VCF1: variants seen among roughly 807,000 people sequenced by gnomAD.
The protein encoded by VCF1 is protein VCF1.
chr17:73,215,563 T>C, the VCF1 span, among the ~76,000 whole-genome samples: 2 of 152,324 alleles, frequency 1.3e-5, no homozygotes, highest in African/African-American at 2.4e-5. Context: ...TGTAAGCCAC[T>C]GCACCTGGCC....
chr17:73,220,065 A>G, the VCF1 span, among the ~76,000 whole-genome samples: 1 of 152,218 alleles, frequency 6.6e-6, no homozygotes, highest in Non-Finnish European at 1.5e-5. Context: ...GTTTCACTGA[A>G]AAGAGTCGGC....
chr17:73,225,257 A>G, the VCF1 span, among the ~76,000 whole-genome samples: 2 of 152,226 alleles, frequency 1.3e-5, no homozygotes, highest in Non-Finnish European at 2.9e-5. Flanking sequence ...GCTCAGCTAG[A>G]GAACCCAGGA....
the VCF1 span, among the ~76,000 whole-genome samples, chr17:73,213,727 T>C: frequency 6.6e-6 from 1 of 152,266 alleles, no homozygotes; most frequent in African/African-American, 2.4e-5. Flanking sequence ...CCCAGCACTT[T>C]GGGAGGCTGA....
chr17:73,208,246 C>T, the VCF1 span: 2 of 1,609,404 alleles, frequency 1.2e-6, no homozygotes, highest in Non-Finnish European at 1.7e-6. Context: ...AGTGGCGTCG[C>T]GCGGAGGGCG....
At chr17:73,228,845 G>C in the VCF1 span, among the ~76,000 whole-genome samples, 2 of 152,140 alleles carry the variant, frequency 1.3e-5, no homozygotes, top group Admixed American at 6.5e-5. Context: ...GAGGCCAGTC[G>C]ACACCCAAAG....
the VCF1 span, among the ~76,000 whole-genome samples, chr17:73,223,815 AC>A: frequency 1.3e-5 from 2 of 151,994 alleles, no homozygotes; most frequent in East Asian, 1.9e-4. Flanking sequence ...CCCTGTCTCT[AC>A]AAAAAATTAA....
the VCF1 span, chr17:73,227,223 G>A: frequency 1.7e-4 from 264 of 1,583,794 alleles, no homozygotes; most frequent in Non-Finnish European, 2.1e-4. Context: ...GGTCTGGGGG[G>A]GAAGATGGTT....
chr17:73,211,551 G>A, the VCF1 span, among the ~76,000 whole-genome samples: 4 of 135,856 alleles, frequency 2.9e-5, no homozygotes, highest in Admixed American at 7.7e-5. Context: ...TGGGCAACAA[G>A]AGCAAGACTT....
the VCF1 span, among the ~76,000 whole-genome samples, chr17:73,226,842 G>T: frequency 2.6e-5 from 4 of 152,158 alleles, no homozygotes; most frequent in Non-Finnish European, 5.9e-5. Flanking sequence ...ACAATTCATG[G>T]TTTATAAACT....
chr17:73,214,925 A>G, the VCF1 span, among the ~76,000 whole-genome samples: 102 of 152,250 alleles, frequency 6.7e-4, no homozygotes, highest in Non-Finnish European at 1.3e-3. Flanking sequence ...AACCAAATCA[A>G]CGGTTACAAA....
chr17:73,228,188 C>T, the VCF1 span, among the ~76,000 whole-genome samples: 9 of 152,214 alleles, frequency 5.9e-5, no homozygotes, highest in African/African-American at 1.4e-4. Context: ...CACTGCAGAA[C>T]GTTCTCCGGA....
At chr17:73,224,021 G>C in the VCF1 span, among the ~76,000 whole-genome samples, 70 of 144,836 alleles carry the variant, frequency 4.8e-4, no homozygotes, top group African/African-American at 1.6e-3. Context: ...AGGGAGGGAA[G>C]AAGGGAGGGA....
At chr17:73,208,474 C>T in the VCF1 span, 3 of 1,612,252 alleles carry the variant, frequency 1.9e-6, no homozygotes, top group Non-Finnish European at 1.7e-6. Flanking sequence ...TCTGTCTCTC[C>T]CTAAATAAAT....
chr17:73,212,588 A>T, the VCF1 span: 1 of 1,048,512 alleles, frequency 9.5e-7, no homozygotes, highest in Non-Finnish European at 1.4e-6. Flanking sequence ...GGCGTCTCCT[A>T]ACCTAGTATA....
the VCF1 span, among the ~76,000 whole-genome samples, chr17:73,224,800 ACC>A: frequency 1.3e-5 from 2 of 151,992 alleles, no homozygotes; most frequent in African/African-American, 4.8e-5. Context: ...ACTTGTTAAT[ACC>A]ACTGCCAGGA....
the VCF1 span, among the ~76,000 whole-genome samples, chr17:73,219,217 C>T: frequency 3.6e-3 from 507 of 139,030 alleles, 1 homozygote; most frequent in South Asian, 0.018. Flanking sequence ...AAAAAAACGA[C>T]GAAACTGCTT....
At chr17:73,229,199 TCTC>T in the VCF1 span, 3 of 985,480 alleles carry the variant, frequency 3.0e-6, no homozygotes, top group Middle Eastern at 5.2e-4. Context: ...TTGGTAGCCT[TCTC>T]CTCTGGATGG....
At chr17:73,231,668 C>T in the VCF1 span, among the ~76,000 whole-genome samples, 1 of 152,278 alleles carries the variant, frequency 6.6e-6, no homozygotes, top group Non-Finnish European at 1.5e-5. Context: ...TCTTTCTGAC[C>T]TTGGGGAGCC....
the VCF1 span, among the ~76,000 whole-genome samples, chr17:73,219,876 G>A: frequency 6.6e-6 from 1 of 151,758 alleles, no homozygotes; most frequent in African/African-American, 2.4e-5. Flanking sequence ...TCAGGAGGCT[G>A]AGGTGGGAGG....
Sources: gnomAD v4.1 joint callset for allele counts (sites outside exome capture counted in the v4.1 genomes callset) on GRCh38, gnomAD v4.1.1 for gene constraint, MANE v1.5 for transcripts, NCBI Gene and HGNC (gene_info 2026-07-23, HGNC 2026-07-21) for gene names.